The following MRPL35 variants were observed in gnomAD, a reference collection of about 807,000 sequenced individuals.
MRPL35 encodes large ribosomal subunit protein bL35m.
In MRPL35, 18 loss-of-function variants were observed where a neutral mutation model predicts 21.6. The observed-to-expected ratio is 0.83, with a 90% CI of 0.58 to 1.24. The LOEUF is 1.24. Among genes scored for constraint, MRPL35 ranks in the 50% most tolerant of loss-of-function variants. The probability of loss-of-function intolerance (pLI) is 0.00; values close to 1 mark genes in which losing one functional copy is unlikely to be tolerated. For missense variants in MRPL35, 223 were observed against 223.2 expected (o/e 1.00, Z 0.01); for synonymous variants, 87 against 86.9 (o/e 1.00, Z -0.01).
chr2:86,200,941 C>T (rs1417629578), intron 1 of MRPL35, among the ~76,000 whole-genome samples: 1 of 152,174 alleles, frequency 6.6e-6, no homozygotes, highest in Non-Finnish European at 1.5e-5. Flanking sequence ...GCTGGGATTA[C>T]GGGTGTGAGC....
chr2:86,212,415 G>A lies in MRPL35; in HGVS notation c.*1747G>A, dbSNP rs369047803. On this transcript the variant is annotated 3_prime_UTR_variant, in exon 4 of 4. Transcript: ENST00000337109. ...TGTTTTGATGGATTTTCATTTCTTCGCACTTCTGAGACGGCAAAGCCAACC... is the reference window on the plus strand; with the variant it reads ...TGTTTTGATGGATTTTCATTTCTTCACACTTCTGAGACGGCAAAGCCAACC... 8.7e-6 allele frequency: 14 copies of A among 1,613,556 alleles called. No individual in the cohort carries two copies. Among genetic ancestry groups the A allele is most frequent in the African/African-American group, 1.3e-5 (1 of 74,858 alleles).
At chr2:86,199,774 G>GA (rs1299529784) in intron 1 of MRPL35, among the ~76,000 whole-genome samples, 1 of 152,118 alleles carries the variant, frequency 6.6e-6, no homozygotes, top group African/African-American at 2.4e-5. Flanking sequence ...TTTTTCCCTA[G>GA]AAAAGAAGCC....
intron 1 of MRPL35, among the ~76,000 whole-genome samples, chr2:86,201,687 A>C (rs940690796): frequency 6.6e-6 from 1 of 152,228 alleles, no homozygotes; most frequent in African/African-American, 2.4e-5. Flanking sequence ...CCTTTTTAAC[A>C]ATTTAAACTA....
chr2:86,211,321 T>C lies in MRPL35; in HGVS notation c.*653T>C. On this transcript the variant is annotated 3_prime_UTR_variant, in exon 4 of 4. Transcript: ENST00000337109. ...TTCAGCTCCTGCTGCTAGTCTCCAA[T>C]TGCCAAGGGAATTTAACTGGGCCAG... is the stretch of plus-strand genomic sequence containing the variant. The C allele has an allele frequency of 4.4e-6, 4 of 917,258 alleles. No homozygotes were observed. Among genetic ancestry groups the C allele is most frequent in the Non-Finnish European group, 1.3e-6 (1 of 767,974 alleles). 56.8% of individuals were successfully genotyped at this position (917,258 alleles called of 1,614,324 possible). A position where few individuals can be genotyped will look rare whatever the true frequency, so the allele number is the denominator to read the frequency against.
At position 86,212,669 on chromosome 2, in the gene MRPL35, G is replaced by A; in HGVS notation, c.*2001G>A. ...GGGACAGGTGTAGAGATAAGGACTGGCAACCAGAGCCTCAGCATCCAAAGA... is the reference window on the plus strand; with the variant it reads ...GGGACAGGTGTAGAGATAAGGACTGACAACCAGAGCCTCAGCATCCAAAGA... On this transcript the variant is annotated 3_prime_UTR_variant, in exon 4 of 4. Transcript: ENST00000337109. 8.0e-7 allele frequency: 1 copy of A among 1,245,652 alleles called. No homozygotes were observed. 77.2% of individuals were successfully genotyped at this position (1,245,652 alleles called of 1,614,324 possible).
intron 3 of MRPL35, among the ~76,000 whole-genome samples, chr2:86,208,168 A>G (rs1000743118): frequency 6.6e-6 from 1 of 152,172 alleles, no homozygotes; most frequent in African/African-American, 2.4e-5. Flanking sequence ...CTATTGAAAC[A>G]CTGTGGTGGG....
In MRPL35 at chr2:86,212,687, T is replaced by C. The variant is rs1673931638; in HGVS notation, c.*2019T>C. On this transcript the variant is annotated 3_prime_UTR_variant, in exon 4 of 4. Transcript: ENST00000337109. ...AGGACTGGCAACCAGAGCCTCAGCATCCAAAGATGGACTGAAGTGGGATGG... is the reference window on the plus strand; with the variant it reads ...AGGACTGGCAACCAGAGCCTCAGCACCCAAAGATGGACTGAAGTGGGATGG... 5 of 1,227,984 alleles carry C rather than the reference T, an allele frequency of 4.1e-6. No individual in the cohort carries two copies. In the South Asian group the frequency reaches 1.4e-4, roughly 35 times the overall value. 76.1% of individuals were successfully genotyped at this position (1,227,984 alleles called of 1,614,324 possible). A position where few individuals can be genotyped will look rare whatever the true frequency, so the allele number is the denominator to read the frequency against.
intron 1 of MRPL35, among the ~76,000 whole-genome samples, chr2:86,201,128 A>G (rs1558853412): frequency 6.6e-6 from 1 of 152,212 alleles, no homozygotes; most frequent in African/African-American, 2.4e-5. Context: ...GAGAATATGT[A>G]TATATTCAGC....
At chr2:86,208,944 C>A (rs3770059) in intron 3 of MRPL35, among the ~76,000 whole-genome samples, 65,195 of 151,934 alleles carry the variant, frequency 0.43, 14,755 homozygotes, top group East Asian at 0.85. Flanking sequence ...ATTGTTCATT[C>A]CCTCCTTCCA....
intron 2 of MRPL35, among the ~76,000 whole-genome samples, 188 bp downstream of exon 2, chr2:86,206,483 C>T (rs1184367485): frequency 6.6e-6 from 1 of 152,228 alleles, no homozygotes. Context: ...TCTGGGATTA[C>T]AGGCGTGAGC....
rs978417017 is a variant in MRPL35, at chr2:86,213,234, T to C, written c.*2566T>C. On this transcript the variant is annotated 3_prime_UTR_variant, in exon 4 of 4. Coordinates refer to ENST00000337109, the MANE Select transcript of MRPL35 (RefSeq NM_016622.4). ...AAATAAACACTTCTTCATAACACTG[T>C]ACCAATTCAGCTTTTAAATTTTATT... 3 of 1,022,728 alleles carry C rather than the reference T, an allele frequency of 2.9e-6. No homozygotes were observed. Among genetic ancestry groups the C allele is most frequent in the Non-Finnish European group, 3.5e-6 (3 of 854,658 alleles). The allele number at this position is 1,022,728 out of a possible 1,614,324, so 63.4% of individuals were successfully genotyped here.
chr2:86,202,801 C>T (rs1044295042), intron 1 of MRPL35, among the ~76,000 whole-genome samples: 32 of 152,062 alleles, frequency 2.1e-4, no homozygotes, highest in Admixed American at 1.8e-3. Context: ...AAGCAGTTCT[C>T]CTACCTCAGC....
chr2:86,210,809 A>G lies in MRPL35; in HGVS notation c.*141A>G. 7.5e-7 allele frequency: 1 copy of G among 1,333,686 alleles called. No individual in the cohort carries two copies. The allele number at this position is 1,333,686 out of a possible 1,614,324, so 82.6% of individuals were successfully genotyped here. The stretch of plus-strand genomic sequence containing the variant: ...ACAGTGACAACATTAAACTTAGAAA[A>G]GTTTTAAAACTTAATGGATCAGACT... On this transcript the variant is annotated 3_prime_UTR_variant, in exon 4 of 4. Coordinates refer to ENST00000337109, the MANE Select transcript of MRPL35 (RefSeq NM_016622.4).
At position 86,213,626 on chromosome 2, in the gene MRPL35, A is replaced by C; in HGVS notation, c.*2958A>C. The C allele has an allele frequency of 6.4e-7, 1 of 1,550,484 alleles. No individual in the cohort carries two copies. The highest frequency in any genetic ancestry group is 1.4e-5 in the African/African-American group (1 of 73,164). On this transcript the variant is annotated 3_prime_UTR_variant, in exon 4 of 4. Coordinates refer to ENST00000337109, the MANE Select transcript of MRPL35 (RefSeq NM_016622.4). ...TTCACCACCCTGTTGTCACCTGCAC[A>C]GGCACTCCCCCATTTGCAGATGAAG...
chr2:86,210,073 GTTTC>G, intron 3 of MRPL35, among the ~76,000 whole-genome samples: 1 of 150,908 alleles, frequency 6.6e-6, no homozygotes, highest in Non-Finnish European at 1.5e-5. Context: ...CTAATCAATG[GTTTC>G]TTTTTTTAAA....
rs943092643 is a variant in MRPL35, at chr2:86,199,612, G to A, written c.43+79G>A. The A allele has an allele frequency of 4.5e-6, 7 of 1,552,458 alleles. No individual in the cohort carries two copies. The African/African-American group carries it at 8.1e-5, about 18-fold the overall frequency. On this transcript the variant is annotated intron_variant, in intron 1 of 3. Transcript: ENST00000337109. ...GCGGGATGGAATGGGCGTTTAGACT[G>A]GAGGTTAACAAGCAAAAAGGGTCAT...
chr2:86,199,639 A>AT, intron 1 of MRPL35, 106 bp downstream of exon 1: 1 of 1,404,000 alleles, frequency 7.1e-7, no homozygotes, highest in Non-Finnish European at 9.9e-7. Context: ...AAGGGTCATT[A>AT]TTTAAGTTAA....
intron 1 of MRPL35, among the ~76,000 whole-genome samples, chr2:86,200,371 C>G (rs1673661844): frequency 6.6e-6 from 1 of 152,106 alleles, no homozygotes; most frequent in Non-Finnish European, 1.5e-5. Context: ...AGTTCTAAAG[C>G]AAACACCTGT....
chr2:86,212,581 A>G lies in MRPL35; in HGVS notation c.*1913A>G. The G allele has an allele frequency of 6.7e-7, 1 of 1,494,594 alleles. No individual in the cohort carries two copies. The highest frequency in any genetic ancestry group is 2.4e-5 in the East Asian group (1 of 41,972). 92.6% of individuals were successfully genotyped at this position (1,494,594 alleles called of 1,614,324 possible). On this transcript the variant is annotated 3_prime_UTR_variant, in exon 4 of 4. Transcript: ENST00000337109. Reference sequence around the variant, plus strand: ...AGCCTCCATGATGTCTTTATTGCAAATATGGATGACAAGGGTCTCTGTTAC... The same window carrying G: ...AGCCTCCATGATGTCTTTATTGCAAGTATGGATGACAAGGGTCTCTGTTAC...
Sources: gnomAD v4.1 joint callset for allele counts (sites outside exome capture counted in the v4.1 genomes callset) on GRCh38, gnomAD v4.1.1 for gene constraint, MANE v1.5 for transcripts, NCBI Gene and HGNC (gene_info 2026-07-23, HGNC 2026-07-21) for gene names.